The following LRTM3 variants were observed in gnomAD, a reference collection of about 807,000 sequenced individuals.
LRTM3 encodes leucine rich repeat transmembrane protein 3, also known as leucine-rich repeat transmembrane protein 3.
At chr13:102,742,413 C>T in the LRTM3 span, 1 of 1,546,914 alleles carries the variant, frequency 6.5e-7, no homozygotes. Flanking sequence ...ACACACAGCT[C>T]TTGCTGTTTC....
the LRTM3 span, chr13:102,749,862 A>T: frequency 6.4e-7 from 1 of 1,551,372 alleles, no homozygotes; most frequent in Non-Finnish European, 8.7e-7. Context: ...TGATTCAAGG[A>T]CTCTTGAGAT....
At chr13:102,732,997 C>T in the LRTM3 span, 2 of 1,551,314 alleles carry the variant, frequency 1.3e-6, no homozygotes, top group East Asian at 2.4e-5. Context: ...ATGCCTGCTT[C>T]CTTCCCCCTT....
the LRTM3 span, chr13:102,745,815 C>A: frequency 6.4e-7 from 1 of 1,551,206 alleles, no homozygotes; most frequent in Middle Eastern, 1.7e-4. Flanking sequence ...ACATGACTCT[C>A]TACCTTTTCA....
At chr13:102,747,912 G>A in the LRTM3 span, 1 of 1,551,194 alleles carries the variant, frequency 6.4e-7, no homozygotes, top group Non-Finnish European at 8.7e-7. Flanking sequence ...TGCTTTAGAT[G>A]TATGCTGAAC....
At chr13:102,741,361 G>A in the LRTM3 span, 49 of 1,549,274 alleles carry the variant, frequency 3.2e-5, no homozygotes, top group East Asian at 7.3e-5. Context: ...GAATACTTTC[G>A]GGAACATGAT....
the LRTM3 span, among the ~76,000 whole-genome samples, chr13:102,755,762 GTT>G: frequency 7.0e-6 from 1 of 142,072 alleles, no homozygotes. Flanking sequence ...ATGTATCCTG[GTT>G]TTTTTTTTTA....
At chr13:102,747,261 A>C in the LRTM3 span, 1 of 1,549,550 alleles carries the variant, frequency 6.5e-7, no homozygotes, top group East Asian at 2.4e-5. Flanking sequence ...GGCAAAATAG[A>C]CATGGGAGGG....
the LRTM3 span, chr13:102,747,218 T>C: frequency 6.4e-7 from 1 of 1,550,668 alleles, no homozygotes; most frequent in Non-Finnish European, 8.7e-7. Context: ...ACTGTGATTC[T>C]CTGCATTTAA....
At chr13:102,736,766 C>T in the LRTM3 span, 1 of 1,550,950 alleles carries the variant, frequency 6.4e-7, no homozygotes, top group South Asian at 1.2e-5. Context: ...ATGCATTACA[C>T]TTTTCTCTGA....
chr13:102,758,636 T>A, the LRTM3 span: 1 of 1,515,790 alleles, frequency 6.6e-7, no homozygotes, highest in Non-Finnish European at 8.9e-7. Context: ...TTCAAAAATT[T>A]TACAAATTAT....
chr13:102,751,364 C>T, the LRTM3 span, among the ~76,000 whole-genome samples: 1 of 151,490 alleles, frequency 6.6e-6, no homozygotes, highest in East Asian at 1.9e-4. Flanking sequence ...CACACACACA[C>T]ACACACACAC....
chr13:102,742,233 C>A, the LRTM3 span: 16 of 1,550,416 alleles, frequency 1.0e-5, no homozygotes, highest in Admixed American at 2.4e-4. Flanking sequence ...TTATTGCTTG[C>A]AGTACCATAC....
At chr13:102,748,862 T>C in the LRTM3 span, 15 of 1,550,378 alleles carry the variant, frequency 9.7e-6, no homozygotes, top group Non-Finnish European at 1.2e-5. Flanking sequence ...TCTTTTGTTT[T>C]CTTTGTCATA....
At chr13:102,734,328 A>T in the LRTM3 span, 6 of 1,551,384 alleles carry the variant, frequency 3.9e-6, no homozygotes, top group Non-Finnish European at 5.2e-6. Context: ...AGTACAAAGG[A>T]TGTCTTACCT....
chr13:102,735,723 A>T, the LRTM3 span: 1 of 1,550,454 alleles, frequency 6.4e-7, no homozygotes, highest in South Asian at 1.2e-5. Flanking sequence ...CCATGCAGTG[A>T]CTCAGTATAT....
the LRTM3 span, chr13:102,744,022 TAA>T: frequency 6.4e-7 from 1 of 1,550,438 alleles, no homozygotes; most frequent in African/African-American, 1.4e-5. Flanking sequence ...CTGTATTGTA[TAA>T]GAGTTTATCA....
At chr13:102,741,405 C>T in the LRTM3 span, 16 of 1,550,052 alleles carry the variant, frequency 1.0e-5, no homozygotes, top group Admixed American at 5.9e-5. Context: ...TCTGCAGGCA[C>T]TTTGTGCTGT....
chr13:102,733,944 G>C, the LRTM3 span: 1 of 1,551,276 alleles, frequency 6.4e-7, no homozygotes, highest in Non-Finnish European at 8.7e-7. Flanking sequence ...TGGAGAGTTC[G>C]CTGTGGACAA....
At chr13:102,749,887 A>T in the LRTM3 span, 1 of 1,551,458 alleles carries the variant, frequency 6.4e-7, no homozygotes, top group Non-Finnish European at 8.7e-7. Context: ...AGCATTGATA[A>T]GTAGTTCTGC....
Sources: allele counts gnomAD v4.1 joint callset (sites outside exome capture counted in the v4.1 genomes callset), GRCh38; gene constraint gnomAD v4.1.1; transcripts MANE v1.5; gene names NCBI Gene and HGNC (gene_info 2026-07-23, HGNC 2026-07-21).